The following PRKG1 variants were observed in gnomAD, a reference collection of about 807,000 sequenced individuals.
PRKG1 encodes cGMP-dependent protein kinase 1.
In PRKG1, 35 loss-of-function variants were observed where a neutral mutation model predicts 88.1. The observed-to-expected ratio is 0.40, with a 90% CI of 0.30 to 0.53. PRKG1 has a LOEUF of 0.53. Among genes scored for constraint, PRKG1 ranks in the 20% least tolerant of loss-of-function variants. The pLI is 0.59. For missense variants in PRKG1, 540 were observed against 839.8 expected (o/e 0.64, Z 4.41); for synonymous variants, 303 against 292.5 (o/e 1.04, Z -0.37).
At chr10:52,291,909 C>A (rs1458030857) in intron 17 of PRKG1, among the ~76,000 whole-genome samples, 4 of 152,126 alleles carry the variant, frequency 2.6e-5, no homozygotes, top group African/African-American at 9.7e-5. Flanking sequence ...TCCTCTCCAG[C>A]ACCTGTTGTT....
intron 2 of PRKG1, among the ~76,000 whole-genome samples, chr10:51,253,542 T>G (rs1401168824): frequency 6.6e-6 from 1 of 151,882 alleles, no homozygotes; most frequent in East Asian, 1.9e-4. Flanking sequence ...GTTACATATT[T>G]CATTCATCTC....
intron 3 of PRKG1, among the ~76,000 whole-genome samples, chr10:51,597,099 T>C (rs1053729171): frequency 1.4e-4 from 22 of 152,218 alleles, no homozygotes; most frequent in Admixed American, 1.1e-3. Context: ...TCAATTTCCT[T>C]TCAAATTCAT....
At chr10:51,841,143 G>T (rs1414904940) in intron 4 of PRKG1, among the ~76,000 whole-genome samples, 1 of 151,988 alleles carries the variant, frequency 6.6e-6, no homozygotes, top group African/African-American at 2.4e-5. Context: ...ATGCCTCCTG[G>T]CCTCTTTGTA....
In PRKG1 at chr10:51,267,218, C is replaced by T. The variant is rs112795770; in HGVS notation, c.478+113888C>T. On this transcript the variant is annotated intron_variant, in intron 2 of 17. Transcript: ENST00000373980. ...AAGATATAAAGAATAACATAATGAT[C>T]ACACGTAATTACATAATCTTACCAA... 9.7e-3 allele frequency among the ~76,000 whole-genome samples: 1,483 copies of T among 152,192 alleles called. 35 individuals are homozygous for T. Among genetic ancestry groups the T allele is most frequent in the African/African-American group, 0.034 (1,421 of 41,540 alleles).
chr10:51,995,862 C>A (rs1844425730), intron 5 of PRKG1, among the ~76,000 whole-genome samples: 1 of 151,846 alleles, frequency 6.6e-6, no homozygotes, highest in South Asian at 2.1e-4. Context: ...TATTAAAATA[C>A]AAAAAGAAAA....
chr10:51,344,742 T>C (rs1023577013), intron 2 of PRKG1, among the ~76,000 whole-genome samples: 1 of 152,142 alleles, frequency 6.6e-6, no homozygotes, highest in East Asian at 1.9e-4. Context: ...ACTGCCCAGA[T>C]TGCCTTTCTA....
chr10:52,265,539 C>G (rs1487629722), intron 10 of PRKG1, among the ~76,000 whole-genome samples: 2 of 152,074 alleles, frequency 1.3e-5, no homozygotes, highest in Non-Finnish European at 2.9e-5. Flanking sequence ...GCCAGTGGTA[C>G]TGAGCCAGTT....
intron 3 of PRKG1, among the ~76,000 whole-genome samples, chr10:51,556,852 A>G (rs1328678546): frequency 6.6e-6 from 1 of 152,096 alleles, no homozygotes; most frequent in Non-Finnish European, 1.5e-5. Flanking sequence ...ACAAACCTGT[A>G]CATGTTCCCT....
At chr10:51,918,704 C>T (rs1162199944) in intron 5 of PRKG1, among the ~76,000 whole-genome samples, 1 of 152,168 alleles carries the variant, frequency 6.6e-6, no homozygotes, top group Non-Finnish European at 1.5e-5. Context: ...AGCCTGCCTT[C>T]AGCATGTGTG....
At chr10:51,641,381 G>A (rs1401553089) in intron 3 of PRKG1, among the ~76,000 whole-genome samples, 1 of 152,136 alleles carries the variant, frequency 6.6e-6, no homozygotes, top group Admixed American at 6.5e-5. Context: ...GACAGGAACG[G>A]AACAAACTCC....
chr10:51,421,757 A>T (rs1333176332), intron 2 of PRKG1, among the ~76,000 whole-genome samples: 1 of 152,122 alleles, frequency 6.6e-6, no homozygotes, highest in Non-Finnish European at 1.5e-5. Context: ...CAGGGCAAAG[A>T]TACTGAATTG....
At chr10:51,249,013 G>A (rs1023642069) in intron 2 of PRKG1, among the ~76,000 whole-genome samples, 4 of 151,644 alleles carry the variant, frequency 2.6e-5, no homozygotes, top group Admixed American at 2.6e-4. Flanking sequence ...AATTTTATCT[G>A]GCTCATGGAG....
intron 9 of PRKG1, among the ~76,000 whole-genome samples, chr10:52,242,523 A>G (rs1194502): frequency 0.87 from 132,096 of 152,250 alleles, 58,384 homozygotes; most frequent in East Asian, 1. Context: ...CAATGATTCC[A>G]TTAAAGTAAC....
At chr10:52,018,954 C>T (rs11522442) in intron 5 of PRKG1, among the ~76,000 whole-genome samples, 36,163 of 141,580 alleles carry the variant, frequency 0.26, 4,817 homozygotes, top group Admixed American at 0.34. Flanking sequence ...GGAACACTTG[C>T]GCTTGGATAA....
intron 9 of PRKG1, among the ~76,000 whole-genome samples, chr10:52,189,448 A>G (rs1194925244): frequency 1.3e-5 from 2 of 152,288 alleles, no homozygotes; most frequent in East Asian, 3.9e-4. Context: ...GGAAGTGAGC[A>G]GTAGACAAGC....
chr10:51,244,003 G>C (rs1839221684), intron 2 of PRKG1, among the ~76,000 whole-genome samples: 1 of 152,074 alleles, frequency 6.6e-6, no homozygotes, highest in Admixed American at 6.6e-5. Flanking sequence ...TTTGAATTTT[G>C]TTCTATTGTG....
chr10:52,238,704 C>T (rs1425927141), intron 9 of PRKG1, among the ~76,000 whole-genome samples: 1 of 147,964 alleles, frequency 6.8e-6, no homozygotes, highest in African/African-American at 2.5e-5. Flanking sequence ...GAAATAGGAA[C>T]ACTTTTACAC....
At chr10:51,440,657 A>G (rs1391299099) in intron 2 of PRKG1, among the ~76,000 whole-genome samples, 2 of 151,944 alleles carry the variant, frequency 1.3e-5, no homozygotes, top group African/African-American at 4.8e-5. Flanking sequence ...GATCATTATA[A>G]ATTCTGTCAT....
chr10:52,152,066 A>T (rs150963183), intron 8 of PRKG1, among the ~76,000 whole-genome samples: 83 of 152,280 alleles, frequency 5.5e-4, no homozygotes, highest in African/African-American at 1.9e-3. Flanking sequence ...CCTTTGTCCT[A>T]AGAGTTCATA....
Sources: allele counts gnomAD v4.1 joint callset (sites outside exome capture counted in the v4.1 genomes callset), GRCh38; gene constraint gnomAD v4.1.1; transcripts MANE v1.5; gene names NCBI Gene and HGNC (gene_info 2026-07-23, HGNC 2026-07-21).